Variants in WWOX observed in about 807,000 individuals in gnomAD.
WWOX encodes WW domain containing oxidoreductase.
WWOX carries 69 observed loss-of-function variants against 46.2 expected under a neutral mutation model. That is an observed-to-expected ratio of 1.49 (90% CI 1.23 to 1.82). The LOEUF is 1.82. Among genes scored for constraint, WWOX ranks in the 40% most tolerant of loss-of-function variants. The pLI is 0.00. For synonymous variants in WWOX, 359 were observed against 202.6 expected (o/e 1.77, Z -6.56); for missense variants, 919 against 542.6 (o/e 1.69, Z -6.89).
intron 8 of WWOX, among the ~76,000 whole-genome samples, chr16:78,534,844 G>C (rs1483585546): frequency 6.6e-6 from 1 of 151,916 alleles, no homozygotes; most frequent in East Asian, 1.9e-4. Context: ...TTCCTGAGTA[G>C]CTGGGACTAC....
intron 8 of WWOX, among the ~76,000 whole-genome samples, chr16:78,769,401 C>G (rs1302053406): frequency 1.3e-5 from 2 of 152,092 alleles, no homozygotes; most frequent in South Asian, 2.1e-4. Context: ...GTGCTTGTAA[C>G]CTGTCAAGCA....
At chr16:78,422,856 C>G (rs1474296783) in intron 6 of WWOX, among the ~76,000 whole-genome samples, 7 of 122,782 alleles carry the variant, frequency 5.7e-5, no homozygotes, top group African/African-American at 1.6e-4. Flanking sequence ...CACACACACA[C>G]ACACACACAC....
At chr16:78,416,002 ATGTAGAACCTGCATGCTGCCTTCCAT>A (rs2082789793) in intron 6 of WWOX, among the ~76,000 whole-genome samples, 1 of 152,204 alleles carries the variant, frequency 6.6e-6, no homozygotes, top group Non-Finnish European at 1.5e-5. Context: ...GATGAGAGCC[ATGTAGAACCTGCATGCTGCCTTCCAT>A]TGGAATCTCA....
At chr16:78,479,787 C>G (rs77010936) in intron 8 of WWOX, among the ~76,000 whole-genome samples, 5,662 of 152,202 alleles carry the variant, frequency 0.037, 162 homozygotes, top group Non-Finnish European at 0.062. Context: ...ATGGAGTTTT[C>G]CAAGATAAGA....
chr16:78,318,978 A>C lies in WWOX; in HGVS notation c.517-67882A>C, dbSNP rs775151565. On this transcript the variant is annotated intron_variant, in intron 5 of 8. Transcript: ENST00000566780. ...TATGCTTTGTTACATGGAAGAGGAA[A>C]ATTAAGATTGCAGATGAAATTCAAG... is the stretch of plus-strand genomic sequence containing the variant. Among the ~76,000 whole-genome samples the C allele has an allele frequency of 5.9e-4, 90 of 152,148 alleles. 1 individual carries two copies. The highest frequency in any genetic ancestry group is 1.6e-4 in the Non-Finnish European group (11 of 68,030).
chr16:78,954,930 C>T (rs1341023192), intron 8 of WWOX, among the ~76,000 whole-genome samples: 1 of 152,130 alleles, frequency 6.6e-6, no homozygotes. Flanking sequence ...GCTGAGACCA[C>T]AGGCACGGGA....
chr16:78,754,499 T>C (rs1055741351), intron 8 of WWOX, among the ~76,000 whole-genome samples: 1 of 152,236 alleles, frequency 6.6e-6, no homozygotes, highest in Non-Finnish European at 1.5e-5. Context: ...CTCACCTTCC[T>C]GGATTTCCTG....
chr16:78,264,544 C>T (rs1363216115), intron 5 of WWOX: 1 of 152,210 alleles, frequency 6.6e-6, no homozygotes, highest in Non-Finnish European at 1.5e-5. Flanking sequence ...GTGCTACTCT[C>T]AGCTGAAAGC....
chr16:79,147,474 A>G (rs1019558598), intron 8 of WWOX, among the ~76,000 whole-genome samples: 4 of 152,230 alleles, frequency 2.6e-5, no homozygotes, highest in African/African-American at 9.6e-5. Flanking sequence ...GGTATTGTAC[A>G]TATAAGTGAT....
intron 8 of WWOX, among the ~76,000 whole-genome samples, chr16:78,999,209 A>T (rs1041595483): frequency 3.3e-5 from 5 of 151,118 alleles, no homozygotes; most frequent in Non-Finnish European, 7.4e-5. Flanking sequence ...AGCGGGTCAT[A>T]CCTGTAATCC....
At chr16:78,870,900 C>T (rs546379349) in intron 8 of WWOX, among the ~76,000 whole-genome samples, 1 of 152,286 alleles carries the variant, frequency 6.6e-6, no homozygotes, top group African/African-American at 2.4e-5. Flanking sequence ...CCATGCCCGG[C>T]CTAATCTAAT....
chr16:78,657,609 T>C (rs1044651567), intron 8 of WWOX, among the ~76,000 whole-genome samples: 7 of 152,148 alleles, frequency 4.6e-5, no homozygotes, highest in African/African-American at 1.4e-4. Flanking sequence ...TGGACCTTTG[T>C]TTCTTGCAGT....
chr16:78,869,946 G>A (rs1380852103), intron 8 of WWOX, among the ~76,000 whole-genome samples: 1 of 152,298 alleles, frequency 6.6e-6, no homozygotes, highest in East Asian at 1.9e-4. Flanking sequence ...TGCCTTGGGA[G>A]TCTATGTTTA....
intron 7 of WWOX, 100 bp downstream of exon 7, chr16:78,425,155 T>C: frequency 6.0e-6 from 9 of 1,504,308 alleles, no homozygotes; most frequent in Non-Finnish European, 8.3e-6. Context: ...TTAGTCCTGC[T>C]TGAGACATGT....
intron 8 of WWOX, among the ~76,000 whole-genome samples, chr16:79,041,105 G>C (rs934101935): frequency 6.6e-6 from 1 of 152,054 alleles, no homozygotes; most frequent in Non-Finnish European, 1.5e-5. Context: ...TTCATTACGT[G>C]TGTTGTCATG....
intron 8 of WWOX, among the ~76,000 whole-genome samples, chr16:78,901,368 G>A (rs910085738): frequency 4.6e-5 from 7 of 152,112 alleles, no homozygotes; most frequent in African/African-American, 7.2e-5. Flanking sequence ...GAAATATTTC[G>A]GATGGAATTT....
intron 8 of WWOX, among the ~76,000 whole-genome samples, chr16:78,461,374 C>T (rs1442084792): frequency 6.6e-6 from 1 of 151,520 alleles, no homozygotes. Context: ...AAAAAACAAA[C>T]AAACAAACAA....
chr16:79,122,350 G>A (rs2049653404), intron 8 of WWOX, among the ~76,000 whole-genome samples: 1 of 152,134 alleles, frequency 6.6e-6, no homozygotes, highest in Non-Finnish European at 1.5e-5. Flanking sequence ...CCTGGCTATT[G>A]GAACAATAGC....
chr16:78,640,364 C>T (rs922463723), intron 8 of WWOX, among the ~76,000 whole-genome samples: 2 of 150,432 alleles, frequency 1.3e-5, no homozygotes, highest in South Asian at 2.1e-4. Flanking sequence ...CCACTCAAGT[C>T]GGCCGCTCTG....
Sources: gnomAD v4.1 joint callset for allele counts (sites outside exome capture counted in the v4.1 genomes callset) on GRCh38, gnomAD v4.1.1 for gene constraint, MANE v1.5 for transcripts, NCBI Gene and HGNC (gene_info 2026-07-23, HGNC 2026-07-21) for gene names.